The following CPS1 variants were observed in gnomAD, a reference collection of about 807,000 sequenced individuals.
The protein encoded by CPS1 is carbamoyl-phosphate synthase [ammonia], mitochondrial.
A neutral mutation model predicts 174.6 loss-of-function variants in CPS1; 109 were observed. That is an observed-to-expected ratio of 0.62 (90% CI 0.53 to 0.73). The LOEUF is 0.73. Ranked by LOEUF, CPS1 falls within the 30% of genes least tolerant of loss-of-function variation. The pLI is 0.00. For synonymous variants in CPS1, 637 were observed against 632.0 expected, an observed-to-expected ratio of 1.01 and a Z score of -0.12; for missense variants, 1,689 against 1,821.9, an observed-to-expected ratio of 0.93 and a Z score of 1.33.
chr2:210,621,149 C>A (rs191850217), intron 21 of CPS1, among the ~76,000 whole-genome samples: 1 of 152,078 alleles, frequency 6.6e-6, no homozygotes, highest in Non-Finnish European at 1.5e-5. Context: ...GGGAAGCTGA[C>A]TGTTCTAGGC....
At chr2:210,591,019 C>G (rs900344612) in intron 9 of CPS1, 113 bp downstream of exon 9, 6 of 425,202 alleles carry the variant, frequency 1.4e-5, no homozygotes, top group African/African-American at 2.0e-5. Context: ...TGCACATGTA[C>G]CCTAAAACTT....
At chr2:210,633,477 A>G (rs2105890258) in intron 21 of CPS1, among the ~76,000 whole-genome samples, 1 of 152,314 alleles carries the variant, frequency 6.6e-6, no homozygotes, top group East Asian at 1.9e-4. Context: ...ATGTCTACAT[A>G]CATTCTGTTA....
chr2:210,500,953 C>T (rs1695123521), intron 1 of CPS1, among the ~76,000 whole-genome samples: 1 of 152,144 alleles, frequency 6.6e-6, no homozygotes, highest in African/African-American at 2.4e-5. Context: ...TAGGTGTTTC[C>T]ATATATCCTC....
At position 210,599,388 on chromosome 2, in the gene CPS1, C is replaced by T. The variant is rs1698623868; in HGVS notation, c.1376C>T (p.Thr459Ile). Reference sequence around the variant, plus strand: ...TTCTTTCAGGAAGAAAATGTCAAAACTGTTCTGATGAACCCAAACATTGCA... The same window carrying T: ...TTCTTTCAGGAAGAAAATGTCAAAATTGTTCTGATGAACCCAAACATTGCA... ...VKAMKEENVKTVLMNPNIASV... is the reference protein window; with the variant it reads ...VKAMKEENVKIVLMNPNIASV... The change falls in exon 14 of 38, where the codon ACT becomes ATT. Residue 459 changes from threonine to isoleucine, a missense_variant. Physicochemically the swap from Thr to Ile is moderately conservative, Grantham distance 89. Transcript: ENST00000233072. The T allele has an allele frequency of 6.2e-7, 1 of 1,612,122 alleles. No homozygotes were observed. Among genetic ancestry groups the T allele is most frequent in the Non-Finnish European group, 8.5e-7 (1 of 1,178,850 alleles).
intron 1 of CPS1, among the ~76,000 whole-genome samples, chr2:210,537,764 A>G (rs1696295203): frequency 6.6e-6 from 1 of 152,184 alleles, no homozygotes; most frequent in African/African-American, 2.4e-5. Flanking sequence ...ATTTGTGCTT[A>G]GTCTGGCCTT....
intron 34 of CPS1, chr2:210,673,327 C>A (rs1701381024): frequency 6.6e-6 from 1 of 152,204 alleles, no homozygotes; most frequent in Admixed American, 6.5e-5. Context: ...GTGTTGTTTT[C>A]TTTCATTCTG....
intron 1 of CPS1, among the ~76,000 whole-genome samples, chr2:210,541,293 C>T (rs1431014799): frequency 2.0e-5 from 3 of 152,138 alleles, no homozygotes; most frequent in Non-Finnish European, 4.4e-5. Context: ...CTTGCCTGGC[C>T]AATCAAACTG....
Position 210,510,601 on chromosome 2 carries a change from T to A in CPS1, c.3+32835T>A, listed in dbSNP as rs547508405. Among the ~76,000 whole-genome samples, 14 of 152,282 alleles carry A rather than the reference T, an allele frequency of 9.2e-5. No individual in the cohort carries two copies. The South Asian group carries it at 2.7e-3, about 29-fold the overall frequency. ...CTATCATCAGAGTGAATAGGCAACC[T>A]ACAGAATGGGACAAAATTTTTGCAA... On this transcript the variant is annotated intron_variant, in intron 1 of 38. Transcript: ENST00000430249.
chr2:210,583,664 T>C (rs1698005162), intron 6 of CPS1, among the ~76,000 whole-genome samples: 1 of 152,150 alleles, frequency 6.6e-6, no homozygotes, highest in Admixed American at 6.6e-5. Flanking sequence ...CAGTTTGGGA[T>C]GGCTGAACCA....
intron 2 of CPS1, among the ~76,000 whole-genome samples, chr2:210,574,274 G>T (rs573266582): frequency 1.3e-5 from 2 of 152,058 alleles, no homozygotes; most frequent in East Asian, 3.9e-4. Context: ...GATTGAAGGG[G>T]TTTCCAATAC....
intron 33 of CPS1, among the ~76,000 whole-genome samples, chr2:210,666,976 A>G (rs999243053): frequency 2.0e-5 from 3 of 152,144 alleles, no homozygotes; most frequent in Admixed American, 6.5e-5. Flanking sequence ...ATGTTCTTCC[A>G]TTTGCTTGTA....
At chr2:210,563,317 T>C (rs1220179796) in intron 1 of CPS1, among the ~76,000 whole-genome samples, 4 of 152,150 alleles carry the variant, frequency 2.6e-5, no homozygotes, top group Non-Finnish European at 5.9e-5. Context: ...GTTGTTTAAA[T>C]CAAAGCATAA....
chr2:210,559,997 G>A (rs180711319), intron 1 of CPS1, among the ~76,000 whole-genome samples: 14 of 152,140 alleles, frequency 9.2e-5, no homozygotes, highest in Admixed American at 9.2e-4. Flanking sequence ...GAGTCCTTAT[G>A]TTTTTTATGG....
chr2:210,569,068 A>C (rs1214333318), intron 1 of CPS1, among the ~76,000 whole-genome samples: 1 of 152,104 alleles, frequency 6.6e-6, no homozygotes, highest in Non-Finnish European at 1.5e-5. Context: ...ATTTCACTAA[A>C]GTGTGAACAA....
At chr2:210,674,491 AAAAAAAAG>A (rs1322861544) in intron 34 of CPS1, 1 of 163,540 alleles carries the variant, frequency 6.1e-6, no homozygotes, top group Non-Finnish European at 1.3e-5. Flanking sequence ...AACCAAAAAA[AAAAAAAAG>A]AAATAAGAGC....
intron 25 of CPS1, among the ~76,000 whole-genome samples, chr2:210,643,503 C>T (rs1700288137): frequency 6.6e-6 from 1 of 151,988 alleles, no homozygotes. Context: ...GACTGACAAC[C>T]TCATTGATTT....
intron 1 of CPS1, among the ~76,000 whole-genome samples, chr2:210,541,123 G>C (rs928636355): frequency 9.9e-5 from 15 of 152,016 alleles, no homozygotes; most frequent in Non-Finnish European, 1.8e-4. Context: ...TCAGATCATC[G>C]GGAGTGCACT....
At chr2:210,646,368 A>G (rs1197962813) in intron 25 of CPS1, among the ~76,000 whole-genome samples, 1 of 152,222 alleles carries the variant, frequency 6.6e-6, no homozygotes, top group East Asian at 1.9e-4. Context: ...ACTTATAAAT[A>G]TGCAAAATGG....
chr2:210,556,001 CT>C (rs1301566800), upstream of CPS1, among the ~76,000 whole-genome samples: 1 of 151,956 alleles, frequency 6.6e-6, no homozygotes, highest in African/African-American at 2.4e-5. Flanking sequence ...GTCCACTTTG[CT>C]TTAGTTGTGT....
Sources: allele counts gnomAD v4.1 joint callset (sites outside exome capture counted in the v4.1 genomes callset), GRCh38; gene constraint gnomAD v4.1.1; transcripts MANE v1.5; gene names NCBI Gene and HGNC (gene_info 2026-07-23, HGNC 2026-07-21).